Variants in DLGAP2 observed in about 807,000 individuals in gnomAD.
DLGAP2 encodes the protein disks large-associated protein 2.
In DLGAP2, 26 loss-of-function variants were observed where a neutral mutation model predicts 100.3. That is an observed-to-expected ratio of 0.26 (90% CI 0.19 to 0.36). The LOEUF (loss-of-function observed/expected upper bound fraction) is 0.36. Ranked by LOEUF, DLGAP2 falls within the 10% of genes least tolerant of loss-of-function variation. The pLI, the probability that DLGAP2 is intolerant of heterozygous loss-of-function variation, is 1.00. For missense variants in DLGAP2, 1,858 were observed against 1,453.2 expected, an observed-to-expected ratio of 1.28 and a Z score of -4.53; for synonymous variants, 886 against 630.1, an observed-to-expected ratio of 1.41 and a Z score of -6.08.
At chr8:1,383,698 C>T (rs1188327868) in intron 3 of DLGAP2, among the ~76,000 whole-genome samples, 1 of 152,204 alleles carries the variant, frequency 6.6e-6, no homozygotes, top group Non-Finnish European at 1.5e-5. Flanking sequence ...AGGCTCTTCT[C>T]TGTAAGGTCA....
chr8:910,227 T>C (rs1798457819), intron 2 of DLGAP2, among the ~76,000 whole-genome samples: 1 of 152,236 alleles, frequency 6.6e-6, no homozygotes, highest in East Asian at 1.9e-4. Flanking sequence ...TTGGGATGAA[T>C]CATCACTTTT....
intron 12 of DLGAP2, among the ~76,000 whole-genome samples, chr8:1,689,776 G>C (rs1457429866): frequency 6.6e-6 from 1 of 152,216 alleles, no homozygotes; most frequent in Non-Finnish European, 1.5e-5. Flanking sequence ...TGTGAACTGA[G>C]AGGTGATGAG....
intron 8 of DLGAP2, among the ~76,000 whole-genome samples, chr8:1,635,647 G>C (rs969107881): frequency 6.6e-6 from 1 of 152,180 alleles, no homozygotes; most frequent in Non-Finnish European, 1.5e-5. Flanking sequence ...TGAAGAACGA[G>C]ATTTATTTAA....
intron 1 of DLGAP2, among the ~76,000 whole-genome samples, chr8:881,058 A>C (rs1321485706): frequency 6.6e-6 from 1 of 152,232 alleles, no homozygotes; most frequent in African/African-American, 2.4e-5. Flanking sequence ...TCATTTTGCA[A>C]AGCTCAGGTG....
intron 2 of DLGAP2, among the ~76,000 whole-genome samples, chr8:922,302 G>A (rs970223250): frequency 1.1e-4 from 16 of 152,196 alleles, no homozygotes; most frequent in Admixed American, 1.0e-3. Flanking sequence ...AGAGAGAGGT[G>A]CTAATTGCGG....
intron 8 of DLGAP2, among the ~76,000 whole-genome samples, chr8:1,654,009 G>A (rs931828436): frequency 1.1e-4 from 17 of 152,032 alleles, no homozygotes; most frequent in South Asian, 2.1e-4. Context: ...GTTAGTTGAC[G>A]GATCAATGTC....
intron 1 of DLGAP2, among the ~76,000 whole-genome samples, chr8:870,370 G>A (rs75718664): frequency 2.0e-5 from 3 of 152,022 alleles, no homozygotes; most frequent in African/African-American, 4.8e-5. Flanking sequence ...TCTTAAAACC[G>A]GCATTCCTGT....
At chr8:852,701 G>C (rs1169744243) in intron 1 of DLGAP2, among the ~76,000 whole-genome samples, 1 of 151,360 alleles carries the variant, frequency 6.6e-6, no homozygotes. Flanking sequence ...CTACTTCAAC[G>C]TTTCTGTAAA....
intron 3 of DLGAP2, among the ~76,000 whole-genome samples, chr8:1,409,203 G>A (rs1796659340): frequency 6.6e-6 from 1 of 151,484 alleles, no homozygotes. Flanking sequence ...TTGGACCACT[G>A]CCCAACTCCT....
At chr8:1,229,312 C>T (rs2116830023) in intron 2 of DLGAP2, among the ~76,000 whole-genome samples, 1 of 151,942 alleles carries the variant, frequency 6.6e-6, no homozygotes, top group East Asian at 1.9e-4. Flanking sequence ...GAATCAGCTC[C>T]TTTTTGTACG....
intron 1 of DLGAP2, among the ~76,000 whole-genome samples, chr8:767,996 T>C (rs1821258212): frequency 6.6e-6 from 1 of 152,202 alleles, no homozygotes; most frequent in South Asian, 2.1e-4. Flanking sequence ...GCAACACTTC[T>C]CTGATGTATA....
Position 1,620,781 on chromosome 8 carries a change from C to A in DLGAP2, c.1443-5959C>A, listed in dbSNP as rs145258443. On this transcript the variant is annotated intron_variant, in intron 6 of 14. Coordinates refer to ENST00000637795, the MANE Select transcript of DLGAP2 (RefSeq NM_001346810.2). The stretch of plus-strand genomic sequence containing the variant: ...CAGGCACCTCGTCCTCCAGGCCCCA[C>A]GCACAGGGACCGTCCTGAGCTCCCA... 9.1e-4 allele frequency among the ~76,000 whole-genome samples: 138 copies of A among 152,304 alleles called. No individual in the cohort carries two copies. The East Asian group carries it at 0.016, about 17-fold the overall frequency.
In DLGAP2 at chr8:1,347,233, T is replaced by A. The variant is rs186062977; in HGVS notation, c.106+88350T>A. ...GTTCCTACACAGAGCTGCATTGCTC[T>A]AATGGTGGCTGTGTGTAGGTTGAGT... is the stretch of plus-strand genomic sequence containing the variant. On this transcript the variant is annotated intron_variant, in intron 3 of 14. Transcript: ENST00000637795. 3.4e-4 allele frequency among the ~76,000 whole-genome samples: 51 copies of A among 151,546 alleles called. 2 individuals carry two copies. The highest frequency in any genetic ancestry group is 1.2e-3 in the African/African-American group (49 of 41,138).
At chr8:1,081,025 T>G (rs1387769497) in intron 2 of DLGAP2, among the ~76,000 whole-genome samples, 1 of 152,220 alleles carries the variant, frequency 6.6e-6, no homozygotes, top group Non-Finnish European at 1.5e-5. Context: ...TTGTGTTTGG[T>G]ATATTAAATT....
At chr8:1,116,786 GC>G (rs1212896195) in intron 2 of DLGAP2, among the ~76,000 whole-genome samples, 1 of 151,866 alleles carries the variant, frequency 6.6e-6, no homozygotes, top group African/African-American at 2.4e-5. Flanking sequence ...AGGTGACAGG[GC>G]AAAACCCTGT....
intron 10 of DLGAP2, among the ~76,000 whole-genome samples, chr8:1,670,726 A>C (rs1798670639): frequency 6.6e-6 from 1 of 152,266 alleles, no homozygotes; most frequent in Non-Finnish European, 1.5e-5. Flanking sequence ...TTTTCTGTGC[A>C]TCCTGTGAGC....
chr8:946,267 A>AG (rs201903839), intron 2 of DLGAP2, among the ~76,000 whole-genome samples: 1,983 of 147,568 alleles, frequency 0.013, 60 homozygotes, highest in African/African-American at 0.047. Flanking sequence ...GCTGTTTCTT[A>AG]GGTTTTTTTT....
intron 2 of DLGAP2, among the ~76,000 whole-genome samples, chr8:1,176,183 G>A (rs987214463): frequency 2.1e-4 from 31 of 150,176 alleles, no homozygotes; most frequent in East Asian, 2.0e-3. Context: ...AGCAAGGCAC[G>A]TGTTACATGG....
chr8:876,811 G>A (rs1175565557), intron 1 of DLGAP2, among the ~76,000 whole-genome samples: 3 of 152,118 alleles, frequency 2.0e-5, no homozygotes, highest in East Asian at 1.9e-4. Context: ...AGCTCCTTCA[G>A]TTGTCTCTGT....
Sources: allele counts gnomAD v4.1 joint callset (sites outside exome capture counted in the v4.1 genomes callset), GRCh38; gene constraint gnomAD v4.1.1; transcripts MANE v1.5; gene names NCBI Gene and HGNC (gene_info 2026-07-23, HGNC 2026-07-21).